The following FBLN5 variants were observed in gnomAD, a reference collection of about 807,000 sequenced individuals.
The protein encoded by FBLN5 is fibulin-5.
A neutral mutation model predicts 61.6 loss-of-function variants in FBLN5; 24 were observed. That is an observed-to-expected ratio of 0.39 (90% CI 0.28 to 0.55). FBLN5 has a LOEUF of 0.55. FBLN5 is among the 20% of genes least tolerant of loss of function. The pLI is 0.65. For synonymous variants in FBLN5, 213 were observed against 219.8 expected, an observed-to-expected ratio of 0.97 and a Z score of 0.27; for missense variants, 470 against 594.1, an observed-to-expected ratio of 0.79 and a Z score of 2.17.
At chr14:91,912,725 G>A (rs1469154016) in intron 4 of FBLN5, among the ~76,000 whole-genome samples, 13 of 149,862 alleles carry the variant, frequency 8.7e-5, no homozygotes, top group African/African-American at 1.5e-4. Flanking sequence ...TTGGAGGATC[G>A]CTTGAGCCCG....
intron 1 of FBLN5, among the ~76,000 whole-genome samples, chr14:91,945,508 A>G (rs1377872288): frequency 2.0e-5 from 3 of 152,182 alleles, no homozygotes. Flanking sequence ...GTGATCTTGA[A>G]GGCTTCTTCA....
chr14:91,914,343 T>G (rs1415371377), intron 4 of FBLN5, among the ~76,000 whole-genome samples: 2 of 151,814 alleles, frequency 1.3e-5, no homozygotes, highest in Non-Finnish European at 2.9e-5. Context: ...CCGAGCGTGG[T>G]GGCAGGCGCC....
At position 91,923,215 on chromosome 14, in the gene FBLN5, T is replaced by C. The variant is rs577780262; in HGVS notation, c.379+13732A>G. On this transcript the variant is annotated intron_variant, in intron 4 of 10. Coordinates refer to ENST00000342058, the MANE Select transcript of FBLN5 (RefSeq NM_006329.4). ...ACTGGAGCACAACCACCCAATGAGC[T>C]TGTGGCAGTGCTAAGACTAGGCTAA... Among the ~76,000 whole-genome samples, 6 of 152,210 alleles carry C rather than the reference T, an allele frequency of 3.9e-5. No individual in the cohort carries two copies. The South Asian group carries it at 1.2e-3, about 32-fold the overall frequency.
In FBLN5 at chr14:91,947,154, G is replaced by A. The variant is rs2056197688; in HGVS notation, c.17+59C>T. The A allele has an allele frequency of 2.5e-6, 4 of 1,612,068 alleles. No individual in the cohort carries two copies. In the African/African-American group the frequency reaches 5.3e-5, roughly 22 times the overall value. On this transcript the variant is annotated intron_variant, in intron 1 of 10. Transcript: ENST00000342058. The surrounding 1 kb of genome is among the most constrained non-coding windows in gnomAD (Gnocchi z 4.3). ...CAGCCATAACCATTTTCCACCCATCGGATTTTTAGCAAGGCTTCCAGACCC... is the reference window on the plus strand; with the variant it reads ...CAGCCATAACCATTTTCCACCCATCAGATTTTTAGCAAGGCTTCCAGACCC...
In FBLN5 at chr14:91,881,371, T is replaced by C. The variant is rs758120969; in HGVS notation, c.910A>G (p.Thr304Ala). Residue 304 changes from threonine (T) to alanine (A), a missense_variant, in exon 9 of 11, where the codon ACG becomes GCG. By Grantham distance (58) the Thr-to-Ala change is moderately conservative. Transcript: ENST00000342058. ...AAGCCCCCTTGTAAATTGTAGCACGTCTGCTGCAGGTTGCACGTGTGGTTC... is the reference window on the plus strand; with the variant it reads ...AAGCCCCCTTGTAAATTGTAGCACGCCTGCTGCAGGTTGCACGTGTGGTTC... ...HRNHTCNLQQ[T>A]CYNLQGGFKC... 1.9e-6 allele frequency: 3 copies of C among 1,613,886 alleles called. No individual in the cohort carries two copies. The East Asian group carries it at 6.7e-5, about 36-fold the overall frequency.
At chr14:91,919,808 T>C (rs1446481373) in intron 4 of FBLN5, among the ~76,000 whole-genome samples, 1 of 152,178 alleles carries the variant, frequency 6.6e-6, no homozygotes, top group Non-Finnish European at 1.5e-5. Flanking sequence ...TCTGCCAACA[T>C]TGTGATCCCA....
At chr14:91,903,669 A>G (rs1244003935) in intron 4 of FBLN5, among the ~76,000 whole-genome samples, 2 of 151,926 alleles carry the variant, frequency 1.3e-5, no homozygotes, top group Non-Finnish European at 2.9e-5. Context: ...CCATTCCCAG[A>G]GCCCTGTCTC....
intron 4 of FBLN5, among the ~76,000 whole-genome samples, chr14:91,924,179 A>C (rs1473597659): frequency 6.6e-6 from 1 of 152,250 alleles, no homozygotes; most frequent in Non-Finnish European, 1.5e-5. Flanking sequence ...TTGCAACATC[A>C]GGCATAAATG....
intron 4 of FBLN5, among the ~76,000 whole-genome samples, chr14:91,901,526 T>C (rs1890449647): frequency 1.3e-5 from 2 of 152,206 alleles, no homozygotes; most frequent in African/African-American, 2.4e-5. Context: ...AAAACAACAA[T>C]GGCACATTCC....
Position 91,894,936 on chromosome 14 carries a change from C to A in FBLN5, c.502+14G>T, listed in dbSNP as rs372515145. On this transcript the variant is annotated intron_variant, in intron 5 of 10. Transcript: ENST00000342058. ...CTTCCAAGAGTCCCTGTGACCCCCC[C>A]AGAGAGCTGTTACCTAAGCACTGGC... 2.9e-5 allele frequency: 47 copies of A among 1,613,478 alleles called. No individual in the cohort carries two copies. The highest frequency in any genetic ancestry group is 3.7e-5 in the Non-Finnish European group (44 of 1,179,642).
At chr14:91,942,588 C>T (rs2056123286) in intron 2 of FBLN5, among the ~76,000 whole-genome samples, 1 of 152,226 alleles carries the variant, frequency 6.6e-6, no homozygotes, top group African/African-American at 2.4e-5. Flanking sequence ...CACCATGGCC[C>T]ACATTTACCT....
At chr14:91,944,128 G>A (rs953043524) in intron 1 of FBLN5, among the ~76,000 whole-genome samples, 1 of 152,170 alleles carries the variant, frequency 6.6e-6, no homozygotes, top group South Asian at 2.1e-4. Flanking sequence ...TCAGGAGTTC[G>A]AGACCAGCCT....
rs1165144678 is a variant in FBLN5 at position 91,947,111 on chromosome 14, C to T, written c.17+102G>A. 29 of 1,576,386 alleles carry T rather than the reference C, an allele frequency of 1.8e-5. No individual in the cohort carries two copies. Among genetic ancestry groups the T allele is most frequent in the African/African-American group, 2.7e-5 (2 of 74,120 alleles). On this transcript the variant is annotated intron_variant, in intron 1 of 10. Coordinates refer to ENST00000342058, the MANE Select transcript of FBLN5 (RefSeq NM_006329.4). This position sits in a 1 kb window ranked among gnomAD's most constrained non-coding sequence, Gnocchi z 4.3. ...ACTAGCTCATGCCTTTTCCAATATC[C>T]TGACACCGCCTGAATCGCAGCCATA... is the stretch of plus-strand genomic sequence containing the variant.
intron 4 of FBLN5, among the ~76,000 whole-genome samples, chr14:91,932,991 C>T (rs1228041947): frequency 5.3e-5 from 8 of 152,232 alleles, no homozygotes; most frequent in Non-Finnish European, 8.8e-5. Flanking sequence ...GTGGATATTC[C>T]AAGTTCTGGC....
chr14:91,935,510 C>G (rs1384753378), intron 4 of FBLN5, among the ~76,000 whole-genome samples: 2 of 152,236 alleles, frequency 1.3e-5, no homozygotes, highest in Admixed American at 6.5e-5. Context: ...GCACCTCCCA[C>G]CTCTATCTCT....
At chr14:91,925,933 C>T (rs1333513028) in intron 4 of FBLN5, among the ~76,000 whole-genome samples, 1 of 152,168 alleles carries the variant, frequency 6.6e-6, no homozygotes, top group African/African-American at 2.4e-5. Flanking sequence ...TGGGAGGAGT[C>T]AGCAGAGGGT....
intron 4 of FBLN5, among the ~76,000 whole-genome samples, chr14:91,900,363 T>C (rs938335201): frequency 3.9e-5 from 6 of 152,218 alleles, no homozygotes; most frequent in African/African-American, 1.4e-4. Context: ...GCACATATTA[T>C]ATACATATAT....
chr14:91,915,411 C>T (rs990629481), intron 4 of FBLN5, among the ~76,000 whole-genome samples: 1 of 151,880 alleles, frequency 6.6e-6, no homozygotes, highest in Non-Finnish European at 1.5e-5. Flanking sequence ...AGCGGCCAAG[C>T]ACGGTGGCTC....
chr14:91,933,865 T>G (rs978823582), intron 4 of FBLN5, among the ~76,000 whole-genome samples: 5 of 152,076 alleles, frequency 3.3e-5, no homozygotes, highest in African/African-American at 1.2e-4. Context: ...ATCCCAGCAT[T>G]GTGGGAGGCC....
Sources: allele counts gnomAD v4.1 joint callset (sites outside exome capture counted in the v4.1 genomes callset), GRCh38; gene constraint gnomAD v4.1.1; non-coding constraint Gnocchi (gnomAD v3.1); transcripts MANE v1.5; gene names NCBI Gene and HGNC (gene_info 2026-07-23, HGNC 2026-07-21).